The following NSRP1 variants were observed in gnomAD, a reference collection of about 807,000 sequenced individuals.
NSRP1 encodes nuclear speckle splicing regulatory protein 1.
NSRP1 carries 24 observed loss-of-function variants against 54.7 expected under a neutral mutation model. The ratio of observed to expected loss-of-function variants is 0.44; its 90% CI spans 0.32 to 0.62. NSRP1 has a LOEUF of 0.62. Among genes scored for constraint, NSRP1 ranks in the 20% least tolerant of loss-of-function variants. The pLI is 0.06. For missense variants in NSRP1, 596 were observed against 651.2 expected, an observed-to-expected ratio of 0.92 and a Z score of 0.92; for synonymous variants, 210 against 213.8, an observed-to-expected ratio of 0.98 and a Z score of 0.15.
intron 5 of NSRP1, among the ~76,000 whole-genome samples, chr17:30,180,463 C>A (rs1905257054): frequency 6.6e-6 from 1 of 152,194 alleles, no homozygotes; most frequent in Non-Finnish European, 1.5e-5. Context: ...TCCTCTTCAG[C>A]TTTTAAGTAG....
At chr17:30,120,744 G>C (rs1403942735) in intron 2 of NSRP1, among the ~76,000 whole-genome samples, 1 of 152,188 alleles carries the variant, frequency 6.6e-6, no homozygotes, top group African/African-American at 2.4e-5. Flanking sequence ...GAAAATTGAA[G>C]CTCAGGTTAA....
chr17:30,128,991 C>G (rs1445456522), intron 2 of NSRP1, among the ~76,000 whole-genome samples: 1 of 150,522 alleles, frequency 6.6e-6, no homozygotes, highest in Non-Finnish European at 1.5e-5. Flanking sequence ...CTCCAGGCCT[C>G]AAGTGATCCT....
At chr17:30,153,790 A>G (rs923108533) in intron 2 of NSRP1, among the ~76,000 whole-genome samples, 5 of 152,242 alleles carry the variant, frequency 3.3e-5, no homozygotes, top group East Asian at 1.9e-4. Flanking sequence ...ATCTGTGCTA[A>G]TATGATAGCC....
At chr17:30,157,136 G>A (rs962770933) in intron 2 of NSRP1, among the ~76,000 whole-genome samples, 4 of 152,036 alleles carry the variant, frequency 2.6e-5, no homozygotes, top group Non-Finnish European at 4.4e-5. Context: ...CTTTTACTCT[G>A]CATCCTTGCC....
chr17:30,129,417 TAAA>T (rs567721879), intron 2 of NSRP1, among the ~76,000 whole-genome samples: 1 of 145,626 alleles, frequency 6.9e-6, no homozygotes, highest in Non-Finnish European at 1.5e-5. Flanking sequence ...AGTGAGTGCT[TAAA>T]AAAAAAAAGA....
intron 2 of NSRP1, among the ~76,000 whole-genome samples, chr17:30,152,746 A>G (rs892314909): frequency 1.3e-5 from 2 of 151,260 alleles, no homozygotes; most frequent in Non-Finnish European, 1.5e-5. Context: ...AATGTTTATG[A>G]TTGCTATTTC....
intron 2 of NSRP1, among the ~76,000 whole-genome samples, chr17:30,160,432 C>T (rs1353871178): frequency 6.6e-6 from 1 of 152,096 alleles, no homozygotes; most frequent in Non-Finnish European, 1.5e-5. Flanking sequence ...AGATTCTGAG[C>T]TTTTCTTTTT....
intron 2 of NSRP1, among the ~76,000 whole-genome samples, chr17:30,169,691 C>A (rs948911993): frequency 6.6e-6 from 1 of 151,982 alleles, no homozygotes; most frequent in Non-Finnish European, 1.5e-5. Context: ...TTGTTATCAA[C>A]ATCTTTCCCC....
chr17:30,138,163 CA>C lies in NSRP1; in HGVS notation c.114+19991del, dbSNP rs2071766568. 2.0e-5 allele frequency among the ~76,000 whole-genome samples: 3 copies of C among 152,144 alleles called. No individual in the cohort carries two copies. The South Asian group carries it at 6.2e-4, about 32-fold the overall frequency. On this transcript the variant is annotated intron_variant, in intron 2 of 6. Coordinates refer to ENST00000247026, the MANE Select transcript of NSRP1 (RefSeq NM_032141.4). ...CACTTAGCATAATGTCCTCAGGGTT[CA>C]TCCATGGTATAGCATGTGTCAGAAT...
At chr17:30,135,986 G>T (rs549488957) in intron 2 of NSRP1, among the ~76,000 whole-genome samples, 1 of 152,040 alleles carries the variant, frequency 6.6e-6, no homozygotes, top group Non-Finnish European at 1.5e-5. Flanking sequence ...GCCAAGGCGG[G>T]TGGATCACCT....
chr17:30,180,448 G>A lies in NSRP1; in HGVS notation c.509-460G>A, dbSNP rs746873731. On this transcript the variant is annotated intron_variant, in intron 5 of 6. Transcript: ENST00000247026. The stretch of plus-strand genomic sequence containing the variant: ...TAGGATTACAGGCGTGAGCCACTGC[G>A]CCCATCCTCTTCAGCTTTTAAGTAG... Among the ~76,000 whole-genome samples, 19 of 152,282 alleles carry A rather than the reference G, an allele frequency of 1.2e-4. No individual in the cohort carries two copies. In the East Asian group the frequency reaches 3.1e-3, roughly 25 times the overall value.
At chr17:30,145,617 T>G (rs950500961) in intron 2 of NSRP1, among the ~76,000 whole-genome samples, 2 of 152,162 alleles carry the variant, frequency 1.3e-5, no homozygotes, top group African/African-American at 4.8e-5. Context: ...GATAAATCAC[T>G]TTCTGAAATG....
At chr17:30,123,924 G>A (rs536486549) in intron 2 of NSRP1, among the ~76,000 whole-genome samples, 11 of 152,238 alleles carry the variant, frequency 7.2e-5, no homozygotes, top group Non-Finnish European at 1.5e-4. Context: ...ACAACAGAAG[G>A]ATTGGACATG....
intron 2 of NSRP1, among the ~76,000 whole-genome samples, chr17:30,147,029 C>T (rs1275494014): frequency 6.6e-6 from 1 of 152,148 alleles, no homozygotes; most frequent in African/African-American, 2.4e-5. Context: ...GCATTCTGAC[C>T]TGTCTATCCT....
At chr17:30,152,594 G>A (rs994657736) in intron 2 of NSRP1, among the ~76,000 whole-genome samples, 2 of 151,498 alleles carry the variant, frequency 1.3e-5, no homozygotes, top group Non-Finnish European at 1.5e-5. Context: ...TTGCAAAGGG[G>A]GTAAGGTAAG....
At position 30,151,299 on chromosome 17, in the gene NSRP1, G is replaced by C. The variant is rs1008349674; in HGVS notation, c.115-21243G>C. ...AAATACAGTTGATTCTTGAACGATAGGGGGGTTAGAGCTACCAACACCCGT... is the reference window on the plus strand; with the variant it reads ...AAATACAGTTGATTCTTGAACGATACGGGGGTTAGAGCTACCAACACCCGT... On this transcript the variant is annotated intron_variant, in intron 2 of 6. Transcript: ENST00000247026. Among the ~76,000 whole-genome samples the C allele has an allele frequency of 2.0e-5, 3 of 152,024 alleles. 1 individual carries two copies. The highest frequency in any genetic ancestry group is 6.6e-5 in the Admixed American group (1 of 15,256).
chr17:30,136,779 C>T (rs141427515), intron 2 of NSRP1, among the ~76,000 whole-genome samples: 16 of 152,204 alleles, frequency 1.1e-4, no homozygotes, highest in African/African-American at 3.1e-4. Flanking sequence ...CTTAATATCC[C>T]ATATGATTGA....
chr17:30,178,955 A>G (rs1905212405), intron 4 of NSRP1, 135 bp from the exon 5 acceptor site: 2 of 462,768 alleles, frequency 4.3e-6, no homozygotes, highest in Non-Finnish European at 3.6e-6. Flanking sequence ...TCTTGCTAGT[A>G]AGTTTATATT....
chr17:30,172,014 T>TCTCTCTCTCTCTCTCACACA (rs144705088), intron 2 of NSRP1, among the ~76,000 whole-genome samples: 1 of 131,054 alleles, frequency 7.6e-6, no homozygotes, highest in African/African-American at 2.8e-5. Flanking sequence ...TCTCTCTCTC[T>TCTCTCTCTCTCTCTCACACA]CACATGTTCA....
Sources: allele counts gnomAD v4.1 joint callset (sites outside exome capture counted in the v4.1 genomes callset), GRCh38; gene constraint gnomAD v4.1.1; transcripts MANE v1.5; gene names NCBI Gene and HGNC (gene_info 2026-07-23, HGNC 2026-07-21).